The following STXBP5L variants were observed in gnomAD, a reference collection of about 807,000 sequenced individuals.
The protein encoded by STXBP5L is syntaxin-binding protein 5-like.
A neutral mutation model predicts 144.5 loss-of-function variants in STXBP5L; 65 were observed. The ratio of observed to expected loss-of-function variants is 0.45; its 90% CI spans 0.37 to 0.55. STXBP5L has a LOEUF of 0.55. Among genes scored for constraint, STXBP5L ranks in the 20% least tolerant of loss-of-function variants. The pLI is 0.00. For synonymous variants in STXBP5L, 505 were observed against 469.6 expected, an observed-to-expected ratio of 1.08 and a Z score of -0.97; for missense variants, 1,298 against 1,405.5, an observed-to-expected ratio of 0.92 and a Z score of 1.22.
chr3:120,989,515 T>G (rs529197900), intron 3 of STXBP5L, among the ~76,000 whole-genome samples: 1 of 152,200 alleles, frequency 6.6e-6, no homozygotes, highest in Middle Eastern at 3.2e-3. Flanking sequence ...TTTGAATTCC[T>G]TGTAGATTCT....
intron 2 of STXBP5L, among the ~76,000 whole-genome samples, chr3:120,950,918 C>T (rs1201679625): frequency 6.6e-6 from 1 of 152,150 alleles, no homozygotes; most frequent in African/African-American, 2.4e-5. Flanking sequence ...TACAAGGCTA[C>T]AGTAACCAAA....
At chr3:121,374,983 G>A (rs994946035) in intron 20 of STXBP5L, among the ~76,000 whole-genome samples, 1 of 117,366 alleles carries the variant, frequency 8.5e-6, no homozygotes, top group East Asian at 2.7e-4. Flanking sequence ...GACATAGAGT[G>A]CAGAATAATA....
intron 5 of STXBP5L, among the ~76,000 whole-genome samples, chr3:121,061,556 T>C (rs2041278930): frequency 6.6e-6 from 1 of 151,680 alleles, no homozygotes; most frequent in African/African-American, 2.4e-5. Context: ...TGATCTAATA[T>C]TGACAGTGGG....
chr3:121,262,321 T>G (rs904163834), intron 18 of STXBP5L, among the ~76,000 whole-genome samples: 1 of 152,212 alleles, frequency 6.6e-6, no homozygotes, highest in African/African-American at 2.4e-5. Flanking sequence ...AAGTTTAACG[T>G]TCAAAGTCTC....
chr3:120,978,381 G>T (rs976613395), intron 3 of STXBP5L, among the ~76,000 whole-genome samples: 8 of 152,218 alleles, frequency 5.3e-5, no homozygotes, highest in African/African-American at 1.7e-4. Context: ...CTCAAGCCTT[G>T]GCTTTCAGCT....
chr3:121,245,902 A>G (rs1393672536), intron 14 of STXBP5L, among the ~76,000 whole-genome samples: 1 of 152,222 alleles, frequency 6.6e-6, no homozygotes. Context: ...ATCAAGAAGG[A>G]AACAGGGTAT....
At chr3:121,391,749 AT>A (rs2046591424) in intron 22 of STXBP5L, among the ~76,000 whole-genome samples, 1 of 152,136 alleles carries the variant, frequency 6.6e-6, no homozygotes, top group Non-Finnish European at 1.5e-5. Context: ...AACAGCAAAT[AT>A]TGCTGCCTGA....
chr3:121,053,404 A>G (rs530124579), intron 5 of STXBP5L, among the ~76,000 whole-genome samples: 5 of 152,332 alleles, frequency 3.3e-5, no homozygotes, highest in African/African-American at 9.6e-5. Context: ...ATATAGATCA[A>G]TGGAACAGAA....
chr3:120,971,027 C>T (rs1288895525), intron 3 of STXBP5L, among the ~76,000 whole-genome samples: 1 of 152,028 alleles, frequency 6.6e-6, no homozygotes, highest in Non-Finnish European at 1.5e-5. Flanking sequence ...GTATTGTAGC[C>T]CTGCCATTGT....
chr3:121,407,312 A>C lies in STXBP5L; in HGVS notation c.2657A>C (p.Gln886Pro). 6.2e-7 allele frequency: 1 copy of C among 1,612,090 alleles called. No homozygotes were observed. The highest frequency in any genetic ancestry group is 8.5e-7 in the Non-Finnish European group (1 of 1,178,964). Residue 886 changes from glutamine (Q) to proline (P), a missense_variant, in exon 23 of 27, where the codon CAA (glutamine) becomes CCA (proline). Physicochemically the swap from Gln to Pro is moderately conservative, Grantham distance 76 (BLOSUM62 -1). Coordinates refer to ENST00000471454, the MANE Select transcript of STXBP5L (RefSeq NM_001308330.2). ...ATGGACCGAATGGGTGGATTAATGC[A>C]ACCGCCATATGAAGTTTGGAGGGAT... ...SCMDRMGGLM[Q>P]PPYEVWRDPN...
intron 2 of STXBP5L, among the ~76,000 whole-genome samples, chr3:120,953,954 A>G (rs1052680979): frequency 6.6e-6 from 1 of 152,128 alleles, no homozygotes; most frequent in Non-Finnish European, 1.5e-5. Context: ...TATACATGCC[A>G]TTTATTAGAT....
intron 7 of STXBP5L, among the ~76,000 whole-genome samples, chr3:121,150,215 C>G (rs2045884271): frequency 2.0e-5 from 3 of 151,984 alleles, no homozygotes; most frequent in Non-Finnish European, 2.9e-5. Context: ...AGTGTAGGTT[C>G]TAATGATATC....
chr3:120,953,012 G>T (rs1410018626), intron 2 of STXBP5L, among the ~76,000 whole-genome samples: 3 of 151,654 alleles, frequency 2.0e-5, no homozygotes, highest in African/African-American at 7.3e-5. Flanking sequence ...CTTGCCCAGG[G>T]TGGTATCGAA....
At chr3:120,977,657 T>C (rs1247595731) in intron 3 of STXBP5L, among the ~76,000 whole-genome samples, 1 of 152,206 alleles carries the variant, frequency 6.6e-6, no homozygotes, top group Non-Finnish European at 1.5e-5. Context: ...CTTTACAATT[T>C]GGCATGATTT....
chr3:121,172,052 T>C (rs2046741640), intron 9 of STXBP5L, among the ~76,000 whole-genome samples: 1 of 152,166 alleles, frequency 6.6e-6, no homozygotes, highest in Middle Eastern at 3.4e-3. Flanking sequence ...GCACGACACA[T>C]CTACAACCAC....
intron 9 of STXBP5L, among the ~76,000 whole-genome samples, chr3:121,163,619 G>C (rs375642168): frequency 6.6e-6 from 1 of 151,774 alleles, no homozygotes; most frequent in African/African-American, 2.4e-5. Context: ...TAATTACAGG[G>C]TTTTTAAAAT....
chr3:120,975,557 C>G (rs1940880415), intron 3 of STXBP5L, among the ~76,000 whole-genome samples: 1 of 152,104 alleles, frequency 6.6e-6, no homozygotes, highest in Non-Finnish European at 1.5e-5. Flanking sequence ...CCTGATTGCC[C>G]TGGCCAGAAC....
At chr3:121,054,134 C>G (rs1369650992) in intron 5 of STXBP5L, among the ~76,000 whole-genome samples, 3 of 152,148 alleles carry the variant, frequency 2.0e-5, no homozygotes, top group Non-Finnish European at 2.9e-5. Context: ...CACTTTTACA[C>G]GGTTGGTGGG....
chr3:121,267,714 G>GA (rs1206229667), intron 18 of STXBP5L, among the ~76,000 whole-genome samples: 3 of 151,596 alleles, frequency 2.0e-5, no homozygotes, highest in Non-Finnish European at 4.4e-5. Flanking sequence ...AAATTTACAA[G>GA]AAAAAAACAA....
Sources: gnomAD v4.1 joint callset for allele counts (sites outside exome capture counted in the v4.1 genomes callset) on GRCh38, gnomAD v4.1.1 for gene constraint, MANE v1.5 for transcripts, NCBI Gene and HGNC (gene_info 2026-07-23, HGNC 2026-07-21) for gene names.